The following GPC6 variants were observed in gnomAD, a reference collection of about 807,000 sequenced individuals.
The protein encoded by GPC6 is glypican-6.
GPC6 carries 14 observed loss-of-function variants against 55.2 expected under a neutral mutation model. That is an observed-to-expected ratio of 0.25 (90% CI 0.17 to 0.40). The LOEUF is 0.40. Ranked by LOEUF, GPC6 falls within the 10% of genes least tolerant of loss-of-function variation. The pLI is 1.00. For synonymous variants in GPC6, 278 were observed against 259.6 expected, an observed-to-expected ratio of 1.07 and a Z score of -0.68; for missense variants, 641 against 708.5, an observed-to-expected ratio of 0.90 and a Z score of 1.08.
chr13:94,170,571 G>A (rs915498819), intron 4 of GPC6, among the ~76,000 whole-genome samples: 1 of 152,138 alleles, frequency 6.6e-6, no homozygotes, highest in Non-Finnish European at 1.5e-5. Flanking sequence ...AATTGAAAAG[G>A]GAATGTAGTT....
intron 2 of GPC6, among the ~76,000 whole-genome samples, chr13:93,592,461 G>C (rs993077693): frequency 1.3e-5 from 2 of 149,414 alleles, no homozygotes; most frequent in African/African-American, 2.4e-5. Flanking sequence ...GTGTTGGCCA[G>C]GGTGGTCTCA....
At chr13:94,108,558 G>T (rs1276028102) in intron 4 of GPC6, among the ~76,000 whole-genome samples, 1 of 152,062 alleles carries the variant, frequency 6.6e-6, no homozygotes, top group Non-Finnish European at 1.5e-5. Flanking sequence ...AATACATTAG[G>T]TACCAGGTGC....
intron 2 of GPC6, among the ~76,000 whole-genome samples, chr13:93,656,917 A>G (rs1052896367): frequency 2.6e-5 from 4 of 152,028 alleles, no homozygotes; most frequent in South Asian, 2.1e-4. Flanking sequence ...GATTCTCTAC[A>G]ATGAGAATTA....
At chr13:93,683,295 A>C (rs1236678656) in intron 2 of GPC6, among the ~76,000 whole-genome samples, 2 of 152,094 alleles carry the variant, frequency 1.3e-5, no homozygotes, top group African/African-American at 4.8e-5. Context: ...TTCTGCTTTA[A>C]TATTAAACAT....
At chr13:93,855,802 C>T (rs1888587308) in intron 3 of GPC6, among the ~76,000 whole-genome samples, 1 of 151,548 alleles carries the variant, frequency 6.6e-6, no homozygotes, top group African/African-American at 2.4e-5. Flanking sequence ...GCTTATTTGC[C>T]ATTTGTTTGC....
chr13:93,577,556 G>C (rs1042519354), intron 2 of GPC6, among the ~76,000 whole-genome samples: 2 of 151,976 alleles, frequency 1.3e-5, no homozygotes, highest in Admixed American at 1.3e-4. Flanking sequence ...TGTTGATTTT[G>C]TGTCCTGCAA....
At chr13:93,951,081 A>G (rs1356382264) in intron 3 of GPC6, among the ~76,000 whole-genome samples, 1 of 152,198 alleles carries the variant, frequency 6.6e-6, no homozygotes, top group African/African-American at 2.4e-5. Flanking sequence ...CATACAAGAT[A>G]CAGTCAAGTA....
At chr13:93,670,872 T>C (rs910317665) in intron 2 of GPC6, among the ~76,000 whole-genome samples, 4 of 152,230 alleles carry the variant, frequency 2.6e-5, no homozygotes, top group African/African-American at 4.8e-5. Context: ...TTAAATGGCT[T>C]TATTTTTAGT....
At chr13:93,605,375 G>A (rs1210811945) in intron 2 of GPC6, among the ~76,000 whole-genome samples, 15 of 152,284 alleles carry the variant, frequency 9.9e-5, no homozygotes, top group Admixed American at 9.8e-4. Flanking sequence ...AGTACCAACA[G>A]ATGAATAGTT....
chr13:93,421,456 CT>C (rs1876920878), intron 1 of GPC6, among the ~76,000 whole-genome samples: 1 of 152,082 alleles, frequency 6.6e-6, no homozygotes, highest in South Asian at 2.1e-4. Flanking sequence ...AATTGATTTT[CT>C]GCTCACTACT....
intron 2 of GPC6, among the ~76,000 whole-genome samples, chr13:93,786,568 G>A (rs1885819976): frequency 6.6e-6 from 1 of 150,558 alleles, no homozygotes; most frequent in Non-Finnish European, 1.5e-5. Context: ...CCAGTCAGCT[G>A]TAAAATTTCC....
intron 4 of GPC6, among the ~76,000 whole-genome samples, chr13:94,238,297 G>C (rs1299196324): frequency 6.6e-6 from 1 of 152,120 alleles, no homozygotes; most frequent in Admixed American, 6.6e-5. Context: ...TAAGGTCAAG[G>C]GTCTGGATGA....
At position 94,403,054 on chromosome 13, in the gene GPC6, T is replaced by C. The variant is rs145518748; in HGVS notation, c.1505T>C (p.Met502Thr). 3 of 1,613,880 alleles carry C rather than the reference T, an allele frequency of 1.9e-6. No individual in the cohort carries two copies. Among genetic ancestry groups the C allele is most frequent in the Non-Finnish European group, 2.5e-6 (3 of 1,179,732 alleles). The change falls in exon 9 of 9, where the codon ATG (methionine) becomes ACG (threonine). Residue 502 changes from methionine to threonine, a missense_variant. Coordinates refer to ENST00000377047, the MANE Select transcript of GPC6 (RefSeq NM_005708.5). ...SSGSGSGSGC[M>T]DDVCPTEFEF... ...GGCTCAGGGAGTGGCAGTGGGTGCA[T>C]GGATGACGTGTGTCCCACGGAGTTT...
At chr13:93,269,490 AAAG>A (rs1260701260) in intron 1 of GPC6, among the ~76,000 whole-genome samples, 2 of 152,168 alleles carry the variant, frequency 1.3e-5, no homozygotes, top group Non-Finnish European at 2.9e-5. Flanking sequence ...ACTTACAAAT[AAAG>A]AAGTAGATTA....
chr13:93,218,466 C>A, the GPC6 span, among the ~76,000 whole-genome samples: 46 of 152,062 alleles, frequency 3.0e-4, 1 homozygote, highest in Admixed American at 3.0e-3. Flanking sequence ...ATTTTCCTAT[C>A]CATAGGTCTA....
At chr13:94,080,471 A>T (rs950756348) in intron 4 of GPC6, among the ~76,000 whole-genome samples, 5 of 152,256 alleles carry the variant, frequency 3.3e-5, no homozygotes, top group Non-Finnish European at 7.3e-5. Flanking sequence ...TTAGATAAAC[A>T]AAATAAATAA....
chr13:93,939,591 A>G (rs570432446), intron 3 of GPC6, among the ~76,000 whole-genome samples: 1 of 152,018 alleles, frequency 6.6e-6, no homozygotes, highest in African/African-American at 2.4e-5. Flanking sequence ...AGCTGAAATG[A>G]CAGATGAGCC....
intron 1 of GPC6, among the ~76,000 whole-genome samples, chr13:93,396,721 A>G (rs1243449211): frequency 2.0e-5 from 3 of 152,158 alleles, no homozygotes; most frequent in East Asian, 3.8e-4. Context: ...CATTTATACA[A>G]TGGAAATAAT....
At chr13:93,737,700 A>C (rs1400688070) in intron 2 of GPC6, among the ~76,000 whole-genome samples, 1 of 152,136 alleles carries the variant, frequency 6.6e-6, no homozygotes, top group Non-Finnish European at 1.5e-5. Context: ...TCCTAGAAAA[A>C]GTAGGTGAAC....
Sources: gnomAD v4.1 joint callset for allele counts (sites outside exome capture counted in the v4.1 genomes callset) on GRCh38, gnomAD v4.1.1 for gene constraint, MANE v1.5 for transcripts, NCBI Gene and HGNC (gene_info 2026-07-23, HGNC 2026-07-21) for gene names.